RPH3AL: variants seen among roughly 807,000 people sequenced by gnomAD.
The protein encoded by RPH3AL is rab effector Noc2.
RPH3AL carries 38 observed loss-of-function variants against 43.1 expected under a neutral mutation model. That is an observed-to-expected ratio of 0.88 (90% CI 0.68 to 1.15). The LOEUF is 1.15. Ranked by LOEUF, RPH3AL falls within the 50% of genes most tolerant of loss-of-function variation. The pLI, the probability that RPH3AL is intolerant of heterozygous loss-of-function variation, is 0.00. For synonymous variants in RPH3AL, 189 were observed against 176.3 expected (o/e 1.07, Z -0.57); for missense variants, 462 against 423.2 (o/e 1.09, Z -0.81).
intron 1 of RPH3AL, among the ~76,000 whole-genome samples, chr17:343,975 C>CAAAATGGTTATT (rs1567540388): frequency 4.0e-5 from 3 of 75,538 alleles, no homozygotes; most frequent in South Asian, 1.0e-3. Context: ...CAGTCATCAT[C>CAAAATGGTTATT]ATTACCATCA....
chr17:345,664 T>C lies in RPH3AL; in HGVS notation c.-213+7048A>G, dbSNP rs557017538. Reference sequence around the variant, plus strand: ...CACGCACACCCTGCTGGGGCACGCGTGCTCCCCATCTGCGCGCACACCCTG... The same window carrying C: ...CACGCACACCCTGCTGGGGCACGCGCGCTCCCCATCTGCGCGCACACCCTG... On this transcript the variant is annotated intron_variant, in intron 1 of 9. Coordinates refer to ENST00000331302, the MANE Select transcript of RPH3AL (RefSeq NM_006987.4). Among the ~76,000 whole-genome samples, 116 of 75,390 alleles carry C rather than the reference T, an allele frequency of 1.5e-3. 13 individuals are homozygous for C. Among genetic ancestry groups the C allele is most frequent in the African/African-American group, 3.5e-3 (111 of 31,946 alleles). 49.5% of individuals were successfully genotyped at this position (75,390 alleles called of 152,430 possible). A position where few individuals can be genotyped will look rare whatever the true frequency, so the allele number is the denominator to read the frequency against.
intron 5 of RPH3AL, among the ~76,000 whole-genome samples, chr17:299,602 C>T (rs2043270721): frequency 6.6e-6 from 1 of 152,248 alleles, no homozygotes; most frequent in Non-Finnish European, 1.5e-5. Flanking sequence ...CAGCAAACAG[C>T]TGCAGGGAAA....
At chr17:214,083 G>A (rs749583437) in intron 9 of RPH3AL, among the ~76,000 whole-genome samples, 160 bp from the exon 10 acceptor site, 3 of 152,230 alleles carry the variant, frequency 2.0e-5, no homozygotes, top group East Asian at 1.9e-4. Flanking sequence ...GACCAGCACC[G>A]CTCTGCTCTG....
chr17:314,309 T>C (rs1452698716), intron 5 of RPH3AL, among the ~76,000 whole-genome samples: 1 of 151,680 alleles, frequency 6.6e-6, no homozygotes, highest in Non-Finnish European at 1.5e-5. Context: ...AGCTGTGGGG[T>C]TGAGAGACAG....
At chr17:339,351 G>T (rs1404519005) in intron 1 of RPH3AL, among the ~76,000 whole-genome samples, 1 of 152,222 alleles carries the variant, frequency 6.6e-6, no homozygotes, top group East Asian at 1.9e-4. Context: ...AAGACAGGCA[G>T]GGGGAAGGGT....
At chr17:321,609 AGGTGGCAACAGAGACG>A in intron 3 of RPH3AL, 194 bp from the exon 4 acceptor site, 2 of 561,280 alleles carry the variant, frequency 3.6e-6, no homozygotes, top group Non-Finnish European at 3.0e-6. Flanking sequence ...GAGACGGCCC[AGGTGGCAACAGAGACG>A]GCCCAGGTTC....
At chr17:329,394 T>A (rs2044694798) in intron 2 of RPH3AL, among the ~76,000 whole-genome samples, 1 of 152,168 alleles carries the variant, frequency 6.6e-6, no homozygotes, top group South Asian at 2.1e-4. Flanking sequence ...GAGAATTGCT[T>A]GAACCCTGGA....
chr17:321,191 G>A, intron 4 of RPH3AL, 81 bp downstream of exon 4: 1 of 1,504,542 alleles, frequency 6.6e-7, no homozygotes, highest in Non-Finnish European at 9.0e-7. Flanking sequence ...CCAGGACCCG[G>A]AGTGCCGGCC....
chr17:213,561 C>T lies in RPH3AL; in HGVS notation c.*291G>A, dbSNP rs902900483. The T allele has an allele frequency of 5.0e-5, 26 of 520,126 alleles. No homozygotes were observed. Among genetic ancestry groups the T allele is most frequent in the Middle Eastern group, 1.0e-3 (2 of 1,916 alleles). 32.2% of individuals were successfully genotyped at this position (520,126 alleles called of 1,614,324 possible). A position where few individuals can be genotyped will look rare whatever the true frequency, so the allele number is the denominator to read the frequency against. On this transcript the variant is annotated 3_prime_UTR_variant, in exon 10 of 10. Coordinates refer to ENST00000331302, the MANE Select transcript of RPH3AL (RefSeq NM_006987.4). Reference sequence around the variant, plus strand: ...ACCCCCCAGCCCAACCCAAGACACGCGCAAACTTAAAATCATCACCAGGTA... The same window carrying T: ...ACCCCCCAGCCCAACCCAAGACACGTGCAAACTTAAAATCATCACCAGGTA...
At chr17:271,906 C>T (rs2042472456) in intron 6 of RPH3AL, among the ~76,000 whole-genome samples, 1 of 152,082 alleles carries the variant, frequency 6.6e-6, no homozygotes, top group Non-Finnish European at 1.5e-5. Context: ...AACAAATTTA[C>T]AAGAAAAAAT....
chr17:231,075 T>C (rs1401231737), intron 7 of RPH3AL, among the ~76,000 whole-genome samples: 1 of 152,224 alleles, frequency 6.6e-6, no homozygotes, highest in Non-Finnish European at 1.5e-5. Flanking sequence ...TTCAGAGCCT[T>C]CTAGAGTGTT....
rs539100397 is a variant in RPH3AL, at chr17:290,399, A to G, written c.352-8545T>C. On this transcript the variant is annotated intron_variant, in intron 5 of 9. Coordinates refer to ENST00000331302, the MANE Select transcript of RPH3AL (RefSeq NM_006987.4). The surrounding 1 kb of genome is among the most constrained non-coding windows in gnomAD (Gnocchi z 4.2). ...CGGGAATCCTTCACTGAGGGTGGGAAGCGGGGATGTTTACCAGACCATTCC... is the reference window on the plus strand; with the variant it reads ...CGGGAATCCTTCACTGAGGGTGGGAGGCGGGGATGTTTACCAGACCATTCC... 1.3e-5 allele frequency among the ~76,000 whole-genome samples: 2 copies of G among 152,034 alleles called. No homozygotes were observed. The highest frequency in any genetic ancestry group is 4.2e-4 in the South Asian group (2 of 4,814).
intron 5 of RPH3AL, among the ~76,000 whole-genome samples, chr17:317,731 C>T (rs1232337888): frequency 6.6e-6 from 1 of 152,232 alleles, no homozygotes; most frequent in African/African-American, 2.4e-5. Context: ...GAAGTCCTGG[C>T]TTTCCTGCTT....
At chr17:337,504 G>A (rs551253431) in intron 1 of RPH3AL, among the ~76,000 whole-genome samples, 5 of 152,244 alleles carry the variant, frequency 3.3e-5, no homozygotes, top group Middle Eastern at 3.4e-3. Flanking sequence ...GGCTCTCTAC[G>A]GACCCTCCAG....
chr17:237,626 G>A (rs1490835839), intron 7 of RPH3AL, among the ~76,000 whole-genome samples: 2 of 152,230 alleles, frequency 1.3e-5, no homozygotes, highest in African/African-American at 4.8e-5. Context: ...TACACCCTGT[G>A]AGCAGGGCTT....
At chr17:216,636 C>G (rs373069906) in intron 8 of RPH3AL, among the ~76,000 whole-genome samples, 22 of 152,118 alleles carry the variant, frequency 1.4e-4, no homozygotes, top group Admixed American at 3.9e-4. Context: ...CCCTGGAAAC[C>G]GAGGCTGGCA....
chr17:272,789 C>T (rs1473586649), intron 6 of RPH3AL, among the ~76,000 whole-genome samples: 1 of 150,316 alleles, frequency 6.7e-6, no homozygotes. Context: ...CACACACACA[C>T]CAAAAAACCA....
At chr17:278,723 T>C (rs1441779539) in intron 6 of RPH3AL, among the ~76,000 whole-genome samples, 1 of 152,118 alleles carries the variant, frequency 6.6e-6, no homozygotes, top group Non-Finnish European at 1.5e-5. Flanking sequence ...GGGTTTGTGG[T>C]CTCCCTCTCC....
chr17:321,117 G>A (rs1444287499), intron 4 of RPH3AL, among the ~76,000 whole-genome samples, 155 bp downstream of exon 4: 4 of 152,338 alleles, frequency 2.6e-5, no homozygotes, highest in South Asian at 4.1e-4. Flanking sequence ...TTCAGACAGA[G>A]CACCCTTCAG....
Sources: gnomAD v4.1 joint callset for allele counts (sites outside exome capture counted in the v4.1 genomes callset) on GRCh38, gnomAD v4.1.1 for gene constraint, Gnocchi (gnomAD v3.1) non-coding constraint, MANE v1.5 for transcripts, NCBI Gene and HGNC (gene_info 2026-07-23, HGNC 2026-07-21) for gene names.